DNAH5: variants seen among roughly 807,000 people sequenced by gnomAD.
The protein encoded by DNAH5 is dynein axonemal heavy chain 5.
Under a neutral mutation model 518.2 loss-of-function variants are expected in DNAH5, and 372 were observed. That is an observed-to-expected ratio of 0.72 (90% CI 0.66 to 0.78). The LOEUF is 0.78. Ranked by LOEUF, DNAH5 falls within the 30% of genes least tolerant of loss-of-function variation. DNAH5 has a pLI of 0.00. For synonymous variants in DNAH5, 2,039 were observed against 2,025.9 expected (o/e 1.01, Z -0.17); for missense variants, 5,523 against 5,687.0 (o/e 0.97, Z 0.93).
intron 22 of DNAH5, among the ~76,000 whole-genome samples, chr5:13,873,099 TA>T (rs369724095): frequency 6.6e-5 from 10 of 152,126 alleles, no homozygotes; most frequent in African/African-American, 2.4e-4. Context: ...ATGTATCCTA[TA>T]AATTTGTACA....
In DNAH5 at chr5:13,820,365, G is replaced by A; in HGVS notation, c.6822C>T (p.Thr2274=). The part of the protein sequence containing the change: ...SGAGKTTCIH[T]LMRAMTDCGK... ...CTGTACCTGTCATGGCTCTCATCAA[G>A]GTGTGGATGCAGGTGGTCTTCCCAG... Residue 2274 remains threonine, a synonymous_variant, in exon 41 of 79, where the codon ACC becomes ACT. Transcript: ENST00000265104. 1 of 1,611,680 alleles carries A rather than the reference G, an allele frequency of 6.2e-7. No homozygotes were observed. The highest frequency in any genetic ancestry group is 8.5e-7 in the Non-Finnish European group (1 of 1,180,006).
intron 43 of DNAH5, among the ~76,000 whole-genome samples, chr5:13,813,754 T>C (rs1183864159): frequency 2.0e-5 from 3 of 152,224 alleles, no homozygotes; most frequent in Non-Finnish European, 4.4e-5. Flanking sequence ...TGCAACAGAG[T>C]TGAGTAAATT....
chr5:13,946,347 C>T (rs569512158), upstream of DNAH5, among the ~76,000 whole-genome samples: 31 of 152,242 alleles, frequency 2.0e-4, no homozygotes, highest in African/African-American at 7.0e-4. Flanking sequence ...AACCGGGAAG[C>T]CTTCCAGTCT....
At chr5:13,931,388 A>G in intron 1 of DNAH5, 144 bp from the exon 2 acceptor site, 1 of 789,958 alleles carries the variant, frequency 1.3e-6, no homozygotes, top group South Asian at 1.7e-5. Flanking sequence ...TTTATGTACT[A>G]TCTTCTATTT....
chr5:13,799,724 G>A (rs994058789), intron 47 of DNAH5, among the ~76,000 whole-genome samples: 10 of 152,016 alleles, frequency 6.6e-5, no homozygotes, highest in African/African-American at 2.4e-4. Context: ...AACCAGAAGT[G>A]TTTTGTATAT....
intron 55 of DNAH5, among the ~76,000 whole-genome samples, chr5:13,773,738 AG>A (rs1753677666): frequency 6.6e-6 from 1 of 152,200 alleles, no homozygotes; most frequent in African/African-American, 2.4e-5. Flanking sequence ...AATCCCAAGA[AG>A]AAAAAGCACA....
chr5:13,804,434 T>C (rs1759258874), intron 47 of DNAH5, among the ~76,000 whole-genome samples: 1 of 152,198 alleles, frequency 6.6e-6, no homozygotes, highest in South Asian at 2.1e-4. Flanking sequence ...TTCAGTTTGG[T>C]TGGGATCCAG....
rs574379441 is a variant in DNAH5 at position 13,710,487 on chromosome 5, T to C, written c.13126-2152A>G. 2.6e-5 allele frequency among the ~76,000 whole-genome samples: 4 copies of C among 151,310 alleles called. No homozygotes were observed. The South Asian group carries it at 8.4e-4, about 32-fold the overall frequency. ...AGCAGAAGAAAGGAAATAACCAAGA[T>C]CAGAGCAGAACTAAATGAAATTGAA... On this transcript the variant is annotated intron_variant, in intron 75 of 78. Transcript: ENST00000265104.
At chr5:13,884,432 CTG>C (rs1180407637) in intron 19 of DNAH5, among the ~76,000 whole-genome samples, 1 of 152,238 alleles carries the variant, frequency 6.6e-6, no homozygotes, top group East Asian at 1.9e-4. Context: ...CCTCCCTGTG[CTG>C]TGCTCTAGTT....
chr5:14,011,509 C>T (rs1312791990), intron 1 of DNAH5, among the ~76,000 whole-genome samples: 1 of 152,160 alleles, frequency 6.6e-6, no homozygotes, highest in Non-Finnish European at 1.5e-5. Flanking sequence ...CTCTGAAAAC[C>T]CCGGACCACA....
At chr5:13,887,071 A>G (rs1012804711) in intron 17 of DNAH5, among the ~76,000 whole-genome samples, 3 of 152,188 alleles carry the variant, frequency 2.0e-5, no homozygotes, top group Non-Finnish European at 4.4e-5. Context: ...AGAGAACACT[A>G]ATATTTTTTA....
intron 69 of DNAH5, among the ~76,000 whole-genome samples, chr5:13,728,200 C>G (rs562838258): frequency 6.6e-6 from 1 of 152,116 alleles, no homozygotes; most frequent in East Asian, 1.9e-4. Flanking sequence ...CACCTGCTAC[C>G]CTTAGGCAAC....
At chr5:13,746,965 T>C (rs938800496) in intron 65 of DNAH5, among the ~76,000 whole-genome samples, 3 of 152,190 alleles carry the variant, frequency 2.0e-5, no homozygotes, top group East Asian at 1.9e-4. Context: ...TGTATACATG[T>C]GCCATGTTGG....
At chr5:13,787,645 T>C (rs1342372825) in intron 51 of DNAH5, among the ~76,000 whole-genome samples, 1 of 146,460 alleles carries the variant, frequency 6.8e-6, no homozygotes, top group Non-Finnish European at 1.5e-5. Context: ...AAAATCATAA[T>C]CTGATTATTT....
intron 37 of DNAH5, 47 bp from the exon 38 acceptor site, chr5:13,829,751 C>T (rs1396451466): frequency 1.3e-6 from 2 of 1,530,314 alleles, no homozygotes; most frequent in African/African-American, 1.4e-5. Context: ...ATCAAGCACA[C>T]ATCAGCATCA....
At chr5:13,796,271 C>A (rs1757803461) in intron 47 of DNAH5, among the ~76,000 whole-genome samples, 1 of 152,180 alleles carries the variant, frequency 6.6e-6, no homozygotes. Flanking sequence ...TCCCTGTTTG[C>A]AGATGACATG....
At chr5:13,890,834 G>A (rs1580765243) in intron 17 of DNAH5, 142 bp downstream of exon 17, 1 of 920,292 alleles carries the variant, frequency 1.1e-6, no homozygotes, top group East Asian at 2.6e-5. Flanking sequence ...ATTATTGTCA[G>A]AAGATTCCAT....
At chr5:13,719,949 T>C (rs995029248) in intron 71 of DNAH5, among the ~76,000 whole-genome samples, 1 of 152,124 alleles carries the variant, frequency 6.6e-6, no homozygotes, top group Non-Finnish European at 1.5e-5. Context: ...TCAGGCAAAA[T>C]TGGGGGTCAT....
At chr5:13,870,494 G>A (rs369121006) in intron 24 of DNAH5, among the ~76,000 whole-genome samples, 5 of 152,120 alleles carry the variant, frequency 3.3e-5, no homozygotes, top group East Asian at 3.9e-4. Context: ...TGATTCCCTC[G>A]CCCCTCTTCT....
Sources: gnomAD v4.1 joint callset for allele counts (sites outside exome capture counted in the v4.1 genomes callset) on GRCh38, gnomAD v4.1.1 for gene constraint, MANE v1.5 for transcripts, NCBI Gene and HGNC (gene_info 2026-07-23, HGNC 2026-07-21) for gene names.